Variants in SPTB observed in about 807,000 individuals in gnomAD.
The protein encoded by SPTB is spectrin beta chain, erythrocytic.
SPTB carries 45 observed loss-of-function variants against 256.2 expected under a neutral mutation model. The ratio of observed to expected loss-of-function variants is 0.18; its 90% CI spans 0.14 to 0.23. SPTB has a LOEUF of 0.23. SPTB is among the 10% of genes least tolerant of loss of function. The pLI, the probability that SPTB is intolerant of heterozygous loss-of-function variation, is 1.00. For synonymous variants in SPTB, 1,231 were observed against 1,243.1 expected (o/e 0.99, Z 0.21); for missense variants, 2,715 against 3,040.4 (o/e 0.89, Z 2.52).
At position 64,749,823 on chromosome 14, in the gene SPTB, C is replaced by A; in HGVS notation, c.6777-127G>T. 6.7e-7 allele frequency: 1 copy of A among 1,492,508 alleles called. No homozygotes were observed. Among genetic ancestry groups the A allele is most frequent in the Non-Finnish European group, 9.2e-7 (1 of 1,083,944 alleles). 92.5% of individuals were successfully genotyped at this position (1,492,508 alleles called of 1,614,324 possible). A position where few individuals can be genotyped will look rare whatever the true frequency, so the allele number is the denominator to read the frequency against. ...CCCCTCTCAGGCAGCCCAGCACTTT[C>A]TGAGAGGTCAAAGTCTGGACCATCA... On this transcript the variant is annotated intron_variant, in intron 34 of 35. Transcript: ENST00000644917. The surrounding 1 kb of genome is among the most constrained non-coding windows in gnomAD (Gnocchi z 4.7).
chr14:64,871,299 T>C (rs1883238455), intron 1 of SPTB, among the ~76,000 whole-genome samples: 1 of 152,070 alleles, frequency 6.6e-6, no homozygotes, highest in Non-Finnish European at 1.5e-5. Flanking sequence ...TGGTCAGGAC[T>C]CAGTAAGCAG....
rs752977198 is a variant in SPTB, at chr14:64,775,164, G to A, written c.4803C>T (p.Gly1601=). The change falls in exon 23 of 36, where the codon GGC becomes GGT. Residue 1601 remains glycine (G), a synonymous_variant. Coordinates refer to ENST00000644917, the MANE Select transcript of SPTB (RefSeq NM_001355436.2). The surrounding 1 kb of genome is among the most constrained non-coding windows in gnomAD (Gnocchi z 5.0). The stretch of plus-strand genomic sequence containing the variant: ...CGGAGATGACGTAGAGCTCCTGCTC[G>A]CCAATCCAGGCCTCAGCCTCGTCTG... The part of the protein sequence containing the change: ...LDADEAEAWI[G]EQELYVISDE... 5 of 1,613,932 alleles carry A rather than the reference G, an allele frequency of 3.1e-6. No individual in the cohort carries two copies. Among genetic ancestry groups the A allele is most frequent in the South Asian group, 2.2e-5 (2 of 91,078 alleles).
In SPTB at chr14:64,768,109, A is replaced by G. The variant is rs1433021969; in HGVS notation, c.6023-250T>C. 1.3e-5 allele frequency: 7 copies of G among 552,254 alleles called. No individual in the cohort carries two copies. In the East Asian group the frequency reaches 2.2e-4, roughly 18 times the overall value. 34.2% of individuals were successfully genotyped at this position (552,254 alleles called of 1,614,324 possible). A position where few individuals can be genotyped will look rare whatever the true frequency, so the allele number is the denominator to read the frequency against. On this transcript the variant is annotated intron_variant, in intron 29 of 35. Transcript: ENST00000644917. ...CAGGCTGGAGTGCAGTGATGTGATT[A>G]TGGCTCATGGCAGCCTCAGCCTCCT... is the stretch of plus-strand genomic sequence containing the variant.
rs1474848178 is a variant in SPTB at position 64,793,389 on chromosome 14, C to A, written c.2274G>T (p.Trp758Cys). Residue 758 changes from tryptophan (W) to cysteine (C), a missense_variant, in exon 14 of 36, where the codon TGG (tryptophan) becomes TGT (cysteine). Trp to Cys is a radical substitution (Grantham distance 215). Coordinates refer to ENST00000644917, the MANE Select transcript of SPTB (RefSeq NM_001355436.2). This position sits in a 1 kb window ranked among gnomAD's most constrained non-coding sequence, Gnocchi z 7.0. ...FQGDADDLKA[W>C]LQDAHRLLSG... ...AGAGCAGCCGGTGGGCGTCTTGCAG[C>A]CAAGCCTTCAGGTCATCCGCATCGC... 1 of 1,613,166 alleles carries A rather than the reference C, an allele frequency of 6.2e-7. No homozygotes were observed. Among genetic ancestry groups the A allele is most frequent in the Admixed American group, 1.7e-5 (1 of 60,034 alleles).
chr14:64,848,630 A>T (rs2083731427), intron 1 of SPTB, among the ~76,000 whole-genome samples: 1 of 152,234 alleles, frequency 6.6e-6, no homozygotes, highest in Non-Finnish European at 1.5e-5. Context: ...TAGCTCCACA[A>T]GTTAACTAAT....
intron 2 of SPTB, among the ~76,000 whole-genome samples, chr14:64,820,195 G>C (rs2083263672): frequency 1.3e-5 from 2 of 152,122 alleles, no homozygotes; most frequent in South Asian, 2.1e-4. Context: ...GAGTGGCTGA[G>C]AGCTCCTTCT....
rs748606984 is a variant in SPTB, at chr14:64,749,645, C to A, written c.6819+9G>T. On this transcript the variant is annotated intron_variant, in intron 35 of 35. Transcript: ENST00000644917. This position sits in a 1 kb window ranked among gnomAD's most constrained non-coding sequence, Gnocchi z 4.7. ...TTAGCCAGGTCTGGGCTAGGCTGCC[C>A]GCGCTTACCTCATCCTTGCCATGGA... is the stretch of plus-strand genomic sequence containing the variant. 6.2e-7 allele frequency: 1 copy of A among 1,613,644 alleles called. No individual in the cohort carries two copies. Among genetic ancestry groups the A allele is most frequent in the Non-Finnish European group, 8.5e-7 (1 of 1,179,932 alleles).
chr14:64,785,826 G>A lies in SPTB; in HGVS notation c.3687C>T (p.Asp1229=). 6.2e-7 allele frequency: 1 copy of A among 1,614,116 alleles called. No individual in the cohort carries two copies. The highest frequency in any genetic ancestry group is 8.5e-7 in the Non-Finnish European group (1 of 1,180,022). ...NNRDKVLSPV[D]SGNKLVAEGN... is the part of the protein sequence containing the mutation. ...CCTCAGCTACCAGCTTGTTTCCAGA[G>A]TCCACAGGACTCAAGACCTTATCCC... Residue 1229 remains aspartate (D), a synonymous_variant, in exon 17 of 36, where the codon GAC becomes GAT. Coordinates refer to ENST00000644917, the MANE Select transcript of SPTB (RefSeq NM_001355436.2). The surrounding 1 kb of genome is among the most constrained non-coding windows in gnomAD (Gnocchi z 4.4).
chr14:64,769,599 G>A lies in SPTB; in HGVS notation c.5928C>T (p.Ala1976=). ...GESLLQRQHQ[A]SEEIREKLQQ... is the part of the protein sequence containing the mutation. ...CTTGCAGTCCCCTCACCTCCTCTGA[G>A]GCCTGGTGCTGCCGCTGCAGCAGGG... Residue 1976 remains alanine, a synonymous_variant, in exon 28 of 36, where the codon GCC becomes GCT. Transcript: ENST00000644917. 6.2e-7 allele frequency: 1 copy of A among 1,613,964 alleles called. No homozygotes were observed.
rs1375907776 is a variant in SPTB at position 64,873,605 on chromosome 14, T to C, written c.-52+6187A>G. On this transcript the variant is annotated intron_variant, in intron 1 of 35. Coordinates refer to ENST00000644917, the MANE Select transcript of SPTB (RefSeq NM_001355436.2). This position sits in a 1 kb window ranked among gnomAD's most constrained non-coding sequence, Gnocchi z 4.3. Reference sequence around the variant, plus strand: ...GGCCATTCTTGAGGTTCTGTGGCTATGGTAAAGGGTAATACCATTAACAAG... The same window carrying C: ...GGCCATTCTTGAGGTTCTGTGGCTACGGTAAAGGGTAATACCATTAACAAG... 1.3e-5 allele frequency among the ~76,000 whole-genome samples: 2 copies of C among 152,222 alleles called. No individual in the cohort carries two copies. Among genetic ancestry groups the C allele is most frequent in the African/African-American group, 4.8e-5 (2 of 41,450 alleles).
rs1157680487 is a variant in SPTB, at chr14:64,782,261, CACTCTGAGTCTACA to C, written c.4266+15_4266+28del. 13 of 1,614,116 alleles carry C rather than the reference CACTCTGAGTCTACA, an allele frequency of 8.1e-6. No homozygotes were observed. Among genetic ancestry groups the C allele is most frequent in the Non-Finnish European group, 1.0e-5 (12 of 1,180,030 alleles). On this transcript the variant is annotated intron_variant, in intron 20 of 35. Transcript: ENST00000644917. ...GCTTCCACTATCCCTTCTATCCTAA[CACTCTGAGTCTACA>C]ACCCACTCACGTGCCTTCAGCTTAG...
At chr14:64,817,146 T>C (rs2083207142) in intron 2 of SPTB, among the ~76,000 whole-genome samples, 1 of 152,064 alleles carries the variant, frequency 6.6e-6, no homozygotes, top group South Asian at 2.1e-4. Flanking sequence ...AAGGGGACAA[T>C]GGAAGGCATT....
At chr14:64,789,290 T>C (rs1237759712) in intron 15 of SPTB, among the ~76,000 whole-genome samples, 1 of 152,194 alleles carries the variant, frequency 6.6e-6, no homozygotes, top group African/African-American at 2.4e-5. Context: ...AGGCTGAGGC[T>C]GCAGTGAGCC....
At chr14:64,757,286 T>C (rs993639622) in intron 32 of SPTB, 2 of 152,220 alleles carry the variant, frequency 1.3e-5, no homozygotes, top group African/African-American at 4.8e-5. Context: ...ATACTTCCAT[T>C]CCATTTTCCT....
At chr14:64,766,414 T>C in intron 32 of SPTB, 1 of 1,378,296 alleles carries the variant, frequency 7.3e-7, no homozygotes, top group Non-Finnish European at 9.4e-7. Context: ...TTTCCCCTCA[T>C]GTAAATGGTG....
intron 1 of SPTB, among the ~76,000 whole-genome samples, chr14:64,834,049 C>T (rs771267401): frequency 2.6e-5 from 4 of 152,088 alleles, no homozygotes; most frequent in Non-Finnish European, 4.4e-5. Context: ...TTTTTTAAAA[C>T]GGAGTCTCAC....
rs1258822727 is a variant in SPTB, at chr14:64,764,554, A to G, written c.6345+2172T>C. On this transcript the variant is annotated intron_variant, in intron 32 of 35. Transcript: ENST00000644917. This position sits in a 1 kb window ranked among gnomAD's most constrained non-coding sequence, Gnocchi z 4.2. ...CCCAAAGAGATCATCAGGTCCAAAC[A>G]GGTTTTATTCCCCCCAACCCAGTGA... 1.3e-5 allele frequency among the ~76,000 whole-genome samples: 2 copies of G among 152,228 alleles called. No individual in the cohort carries two copies. Among genetic ancestry groups the G allele is most frequent in the East Asian group, 3.8e-4 (2 of 5,196 alleles).
At chr14:64,776,154 C>T (rs1176369855) in intron 22 of SPTB, among the ~76,000 whole-genome samples, 7 of 152,140 alleles carry the variant, frequency 4.6e-5, no homozygotes, top group African/African-American at 1.2e-4. Context: ...TACCTCACTA[C>T]CTGTTTCTTC....
intron 1 of SPTB, among the ~76,000 whole-genome samples, chr14:64,828,418 C>T (rs1221470155): frequency 6.6e-6 from 1 of 152,190 alleles, no homozygotes; most frequent in East Asian, 1.9e-4. Context: ...ATCATAACAA[C>T]AGTATCTATC....
Sources: allele counts gnomAD v4.1 joint callset (sites outside exome capture counted in the v4.1 genomes callset), GRCh38; gene constraint gnomAD v4.1.1; non-coding constraint Gnocchi (gnomAD v3.1); transcripts MANE v1.5; gene names NCBI Gene and HGNC (gene_info 2026-07-23, HGNC 2026-07-21).